The following SIGIRR variants were observed in gnomAD, a reference collection of about 807,000 sequenced individuals.
SIGIRR encodes single Ig and TIR domain containing.
In SIGIRR, 41 loss-of-function variants were observed where a neutral mutation model predicts 45.6. That is an observed-to-expected ratio of 0.90 (90% CI 0.70 to 1.17). SIGIRR has a LOEUF of 1.17. SIGIRR is among the 50% of genes most tolerant of loss of function. SIGIRR has a pLI of 0.00. For missense variants in SIGIRR, 599 were observed against 539.6 expected (o/e 1.11, Z -1.09); for synonymous variants, 298 against 239.0 (o/e 1.25, Z -2.28).
At chr11:409,847 A>T (rs1590379106) in intron 2 of SIGIRR, 21 bp downstream of exon 2, 1 of 1,359,430 alleles carries the variant, frequency 7.4e-7, no homozygotes, top group Non-Finnish European at 9.5e-7. Context: ...ATTCAAGCCC[A>T]TCCCTCTCTG....
In SIGIRR at chr11:405,965, C is replaced by T. The variant is rs183706213; in HGVS notation, c.1164G>A (p.Ser388=). The T allele has an allele frequency of 3.7e-6, 6 of 1,612,390 alleles. No individual in the cohort carries two copies. The highest frequency in any genetic ancestry group is 3.3e-5 in the Admixed American group (2 of 59,990). Residue 388 remains serine, a synonymous_variant, in exon 10 of 10, where the codon TCG becomes TCA. Transcript: ENST00000431843. ...CACTGTAGTTTCGCGAGCCGAGATC[C>T]GAGACGTCCACTTCGCTGCTCCGGC... ...GESRSSEVDV[S]DLGSRNYSAR... is the part of the protein sequence containing the mutation.
At chr11:408,661 G>C (rs767062932) in intron 3 of SIGIRR, 34 bp downstream of exon 3, 5 of 1,610,332 alleles carry the variant, frequency 3.1e-6, no homozygotes, top group Non-Finnish European at 4.2e-6. Context: ...ATGTCTGAGA[G>C]GTCACTCTGA....
Position 407,083 on chromosome 11 carries a change from G to A in SIGIRR, c.707C>T (p.Ala236Val), listed in dbSNP as rs200766120. 6.4e-7 allele frequency: 1 copy of A among 1,556,524 alleles called. No individual in the cohort carries two copies. Among genetic ancestry groups the A allele is most frequent in the Non-Finnish European group, 8.6e-7 (1 of 1,157,060 alleles). Residue 236 changes from alanine (A) to valine (V), a missense_variant, in exon 7 of 10, where the codon GCC (alanine) becomes GTC (valine). Ala to Val is a moderately conservative substitution (Grantham distance 64, BLOSUM62 0). Transcript: ENST00000431843. Reference protein sequence around the residue: ...VVLSDAFLSRAWCSHSFREGL... With the variant: ...VVLSDAFLSRVWCSHSFREGL... ...CCACCGGAAGCTGTGGCTGCACCAGGCCCGGCTCAGGAAGGCGTCCGAAAG... is the reference window on the plus strand; with the variant it reads ...CCACCGGAAGCTGTGGCTGCACCAGACCCGGCTCAGGAAGGCGTCCGAAAG...
intron 1 of SIGIRR, among the ~76,000 whole-genome samples, chr11:410,458 T>C (rs1218123101): frequency 6.6e-6 from 1 of 151,584 alleles, no homozygotes; most frequent in Non-Finnish European, 1.5e-5. Context: ...ACCTACACCA[T>C]GGGAGATGCC....
chr11:407,115 G>GCTTCCT lies in SIGIRR; in HGVS notation c.674_675insAGGAAG (p.Ile225_Val226insGlySer). The GCTTCCT allele has an allele frequency of 1.3e-6, 2 of 1,544,498 alleles. No homozygotes were observed. The highest frequency in any genetic ancestry group is 2.5e-5 in the East Asian group (1 of 39,480). On this transcript the variant is annotated inframe_insertion, in exon 7 of 10. Coordinates refer to ENST00000431843, the MANE Select transcript of SIGIRR (RefSeq NM_001135054.2). ...TCAGGAAGGCGTCCGAAAGCACCACGATGAGGCGTCGGCAGCGGCTCAGGT... is the reference window on the plus strand; with the variant it reads ...TCAGGAAGGCGTCCGAAAGCACCACGCTTCCTATGAGGCGTCGGCAGCGGCTCAGGT...
chr11:414,758 C>T (rs1182942483), intron 1 of SIGIRR, 65 bp downstream of exon 1: 1 of 967,854 alleles, frequency 1.0e-6, no homozygotes, highest in Admixed American at 6.2e-5. Context: ...GTCTTGGGCG[C>T]CGTGGGCCTC....
In SIGIRR at chr11:407,117, T is replaced by TCC; in HGVS notation, c.672_673insGG (p.Ile225GlyfsTer10). On this transcript the variant is annotated frameshift_variant, in exon 7 of 10. Coordinates refer to ENST00000431843, the MANE Select transcript of SIGIRR (RefSeq NM_001135054.2). LOFTEE classifies it high-confidence loss of function. ...AGGAAGGCGTCCGAAAGCACCACGA[T>TCC]GAGGCGTCGGCAGCGGCTCAGGTTC... The TCC allele has an allele frequency of 1.3e-6, 2 of 1,534,260 alleles. No individual in the cohort carries two copies. The highest frequency in any genetic ancestry group is 1.9e-5 in the Admixed American group (1 of 52,192).
chr11:416,711 G>A (rs1847893262), upstream of SIGIRR, among the ~76,000 whole-genome samples: 1 of 152,160 alleles, frequency 6.6e-6, no homozygotes, highest in Non-Finnish European at 1.5e-5. The surrounding 1 kb of genome is among the most constrained non-coding windows in gnomAD (Gnocchi z 9.1). Context: ...AAGCAGGAAC[G>A]TGGGTAAAAG....
At chr11:410,126 G>C (rs908581647) in intron 1 of SIGIRR, 99 bp from the exon 2 acceptor site, 78 of 1,078,610 alleles carry the variant, frequency 7.2e-5, no homozygotes, top group Non-Finnish European at 9.0e-5. Flanking sequence ...ATGCGACCCT[G>C]AGCAGCCGCA....
chr11:409,626 G>A, intron 2 of SIGIRR: 4 of 428,090 alleles, frequency 9.3e-6, no homozygotes, highest in Admixed American at 4.1e-5. Flanking sequence ...TAGCATTCCT[G>A]GGCTTTACTG....
chr11:407,138 G>C lies in SIGIRR; in HGVS notation c.652C>G (p.Leu218Val), dbSNP rs1326170737. 1 of 1,548,908 alleles carries C rather than the reference G, an allele frequency of 6.5e-7. No individual in the cohort carries two copies. The highest frequency in any genetic ancestry group is 8.7e-7 in the Non-Finnish European group (1 of 1,154,814). Residue 218 changes from leucine to valine, a missense_variant, in exon 7 of 10, where the codon CTG becomes GTG. By Grantham distance (32) the Leu-to-Val change is conservative. Coordinates refer to ENST00000431843, the MANE Select transcript of SIGIRR (RefSeq NM_001135054.2). ...ACGATGAGGCGTCGGCAGCGGCTCA[G>C]GTTCACCAAGAGGTCGGCGGAGGGC... ...AEPSADLLVN[L>V]SRCRRLIVVL... is the part of the protein sequence containing the mutation.
At position 406,049 on chromosome 11, in the gene SIGIRR, C is replaced by A. The variant is rs1267350009; in HGVS notation, c.1080G>T (p.Gly360=). 6 of 1,579,034 alleles carry A rather than the reference C, an allele frequency of 3.8e-6. No homozygotes were observed. Among genetic ancestry groups the A allele is most frequent in the East Asian group, 2.3e-5 (1 of 42,876 alleles). ...GAGCTGATGGCTCTCCAAAGACAGG[C>A]CCCCGGACACCTGGGGTGGGGAGAC... ...PDPEGDLGVR[G]PVFGEPSAPP... is the part of the protein sequence containing the mutation. The change falls in exon 10 of 10, where the codon GGG becomes GGT. Residue 360 remains glycine (G), a synonymous_variant. Transcript: ENST00000431843.
intron 3 of SIGIRR, among the ~76,000 whole-genome samples, chr11:408,445 G>A (rs1031344394): frequency 3.3e-5 from 5 of 152,318 alleles, no homozygotes; most frequent in African/African-American, 1.2e-4. Context: ...CCAGCTGGTC[G>A]GTGTTCATTC....
upstream of SIGIRR, among the ~76,000 whole-genome samples, chr11:416,909 G>A (rs1847901730): frequency 6.6e-6 from 1 of 152,162 alleles, no homozygotes; most frequent in South Asian, 2.1e-4. This position sits in a 1 kb window ranked among gnomAD's most constrained non-coding sequence, Gnocchi z 9.1. Context: ...CCCGGCGCCG[G>A]GCGAGCTCGG....
chr11:411,115 G>A (rs1847593038), intron 1 of SIGIRR, among the ~76,000 whole-genome samples: 1 of 37,430 alleles, frequency 2.7e-5, no homozygotes, highest in African/African-American at 1.2e-4. Context: ...GGCGGGGGGG[G>A]TGCTCAGCTC....
At chr11:407,346 GC>G (rs1466153099) in intron 6 of SIGIRR, 78 bp downstream of exon 6, 4 of 1,275,128 alleles carry the variant, frequency 3.1e-6, no homozygotes, top group East Asian at 2.8e-5. Flanking sequence ...TGGGGGTGGG[GC>G]CCCGGGTGGG....
chr11:405,789 G>GCAGGGTCCCAGGGCTGCTGT lies in SIGIRR; in HGVS notation c.*106_*107insACAGCAGCCCTGGGACCCTG. ...CCACAGCCTTTTCCCAGGGCTGCTG[G>GCAGGGTCCCAGGGCTGCTGT]CAGGGTCCCAGGGCTGCTGGCAGGG... On this transcript the variant is annotated 3_prime_UTR_variant, in exon 10 of 10. Transcript: ENST00000431843. 2.2e-6 allele frequency: 3 copies of GCAGGGTCCCAGGGCTGCTGT among 1,377,614 alleles called. No individual in the cohort carries two copies. Among genetic ancestry groups the GCAGGGTCCCAGGGCTGCTGT allele is most frequent in the Non-Finnish European group, 2.9e-6 (3 of 1,025,120 alleles). 85.3% of individuals were successfully genotyped at this position (1,377,614 alleles called of 1,614,324 possible). A position where few individuals can be genotyped will look rare whatever the true frequency, so the allele number is the denominator to read the frequency against.
Position 407,000 on chromosome 11 carries a change from G to A in SIGIRR, c.729-7C>T, listed in dbSNP as rs751237479. ...CAGCCGGCACAGGCCCTCCCTGCGG[G>A]GCGGGACCGTCAGGGGGGTGGGTGC... On this transcript the variant is annotated splice_region_variant and splice_polypyrimidine_tract_variant and intron_variant, in intron 7 of 9. Transcript: ENST00000431843. 6.3e-6 allele frequency: 10 copies of A among 1,595,318 alleles called. No individual in the cohort carries two copies. In the South Asian group the frequency reaches 6.7e-5, roughly 11 times the overall value.
At chr11:409,238 A>T in intron 2 of SIGIRR, 1 of 456,878 alleles carries the variant, frequency 2.2e-6, no homozygotes, top group South Asian at 1.8e-5. Flanking sequence ...CCCTGGTGAC[A>T]CCATGATGCC....
Sources: allele counts gnomAD v4.1 joint callset (sites outside exome capture counted in the v4.1 genomes callset), GRCh38; gene constraint gnomAD v4.1.1; non-coding constraint Gnocchi (gnomAD v3.1); transcripts MANE v1.5; gene names NCBI Gene and HGNC (gene_info 2026-07-23, HGNC 2026-07-21).